The following HS3ST4 variants were observed in gnomAD, a reference collection of about 807,000 sequenced individuals.
HS3ST4 encodes heparan sulfate-glucosamine 3-sulfotransferase 4, also known as heparan sulfate glucosamine 3-O-sulfotransferase 4.
In HS3ST4, 17 loss-of-function variants were observed where a neutral mutation model predicts 29.2. That is an observed-to-expected ratio of 0.58 (90% CI 0.40 to 0.87). HS3ST4 has a LOEUF of 0.87. Ranked by LOEUF, HS3ST4 falls within the 40% of genes least tolerant of loss-of-function variation. The pLI, the probability that HS3ST4 is intolerant of heterozygous loss-of-function variation, is 0.00. For missense variants in HS3ST4, 627 were observed against 634.5 expected (o/e 0.99, Z 0.13); for synonymous variants, 314 against 285.7 (o/e 1.10, Z -1.00).
At chr16:25,737,608 G>A (rs867780909) in intron 1 of HS3ST4, among the ~76,000 whole-genome samples, 2 of 152,078 alleles carry the variant, frequency 1.3e-5, no homozygotes, top group Non-Finnish European at 2.9e-5. Context: ...AGAGTGGGAG[G>A]GGGGTGAGAT....
chr16:25,790,645 T>A (rs1257609448), intron 1 of HS3ST4, among the ~76,000 whole-genome samples: 3 of 152,202 alleles, frequency 2.0e-5, no homozygotes, highest in Non-Finnish European at 2.9e-5. Context: ...CTGATAAGAT[T>A]GACCACTCTT....
At chr16:26,049,331 G>GGAGGTCTACATCCA (rs1567301689) in intron 1 of HS3ST4, among the ~76,000 whole-genome samples, 1 of 86,390 alleles carries the variant, frequency 1.2e-5, no homozygotes, top group African/African-American at 3.7e-5. Flanking sequence ...TGGGAAGTCC[G>GGAGGTCTACATCCA]GAGGTCTACA....
At chr16:26,114,333 T>C (rs950927471) in intron 1 of HS3ST4, among the ~76,000 whole-genome samples, 3 of 152,148 alleles carry the variant, frequency 2.0e-5, no homozygotes, top group Non-Finnish European at 1.5e-5. Flanking sequence ...AATTTCAACA[T>C]GTAATTATTT....
intron 1 of HS3ST4, among the ~76,000 whole-genome samples, chr16:26,033,868 C>T (rs1454969229): frequency 6.6e-6 from 1 of 152,162 alleles, no homozygotes; most frequent in Non-Finnish European, 1.5e-5. Flanking sequence ...TCATCTGAGC[C>T]TCATCTCCAA....
chr16:26,075,078 A>C (rs1898646051), intron 1 of HS3ST4, among the ~76,000 whole-genome samples: 1 of 152,186 alleles, frequency 6.6e-6, no homozygotes, highest in South Asian at 2.1e-4. Flanking sequence ...CTGTAGTCCC[A>C]GCTACGCAGG....
intron 1 of HS3ST4, among the ~76,000 whole-genome samples, chr16:25,725,659 T>C (rs927127154): frequency 1.3e-5 from 2 of 151,552 alleles, no homozygotes; most frequent in African/African-American, 4.8e-5. Context: ...TTGTAAATTC[T>C]ATATTGTGTA....
chr16:25,865,346 C>T (rs760881067), intron 1 of HS3ST4, among the ~76,000 whole-genome samples: 1 of 152,202 alleles, frequency 6.6e-6, no homozygotes, highest in African/African-American at 2.4e-5. Context: ...AGTAGCCACT[C>T]TGACAGGTGT....
At chr16:25,911,532 G>A (rs1019068871) in intron 1 of HS3ST4, among the ~76,000 whole-genome samples, 3 of 103,058 alleles carry the variant, frequency 2.9e-5, no homozygotes, top group African/African-American at 1.1e-4. Context: ...TTTGGGACAT[G>A]ACCTCACTCT....
intron 1 of HS3ST4, among the ~76,000 whole-genome samples, chr16:25,761,397 A>G (rs8044250): frequency 0.13 from 19,147 of 152,174 alleles, 1,269 homozygotes; most frequent in South Asian, 0.14. Flanking sequence ...TTTTACTTTT[A>G]CTGAAGAGTT....
At chr16:25,704,103 A>G (rs1966356672) in intron 1 of HS3ST4, among the ~76,000 whole-genome samples, 1 of 152,222 alleles carries the variant, frequency 6.6e-6, no homozygotes. Context: ...TTAATCACCA[A>G]TGATAAATCA....
At position 25,762,853 on chromosome 16, in the gene HS3ST4, G is replaced by T. The variant is rs528166670; in HGVS notation, c.734+69702G>T. 2.3e-3 allele frequency among the ~76,000 whole-genome samples: 296 copies of T among 127,532 alleles called. 1 individual carries two copies. The highest frequency in any genetic ancestry group is 8.1e-3 in the African/African-American group (279 of 34,256). The allele number at this position is 127,532 out of a possible 152,430, so 83.7% of individuals were successfully genotyped here. On this transcript the variant is annotated intron_variant, in intron 1 of 1. Transcript: ENST00000331351. The stretch of plus-strand genomic sequence containing the variant: ...GTTTGTGCCACTACACTCCAGCCTG[G>T]GTGACAGAGCAAGACCCTGTCTCAA...
intron 1 of HS3ST4, among the ~76,000 whole-genome samples, chr16:25,725,441 C>G (rs73524760): frequency 0.013 from 2,021 of 152,218 alleles, 21 homozygotes; most frequent in Middle Eastern, 0.031. Context: ...TCCCATAATC[C>G]TACCATCCAG....
chr16:25,857,948 C>CTTTCTTTCTTTCT (rs1555469182), intron 1 of HS3ST4, among the ~76,000 whole-genome samples: 117 of 57,100 alleles, frequency 2.0e-3, no homozygotes, highest in African/African-American at 7.6e-3. Context: ...TTCTTTCTTT[C>CTTTCTTTCTTTCT]TTTCTTTCTT....
At chr16:25,945,124 G>A (rs1968612341) in intron 1 of HS3ST4, among the ~76,000 whole-genome samples, 1 of 152,148 alleles carries the variant, frequency 6.6e-6, no homozygotes, top group Admixed American at 6.5e-5. Flanking sequence ...ACCATTTATA[G>A]TATAATGTAT....
rs1966449121 is a variant in HS3ST4, at chr16:25,715,613, A to G, written c.734+22462A>G. Among the ~76,000 whole-genome samples, 3 of 152,234 alleles carry G rather than the reference A, an allele frequency of 2.0e-5. No homozygotes were observed. The South Asian group carries it at 6.2e-4, about 32-fold the overall frequency. On this transcript the variant is annotated intron_variant, in intron 1 of 1. Transcript: ENST00000331351. ...TCTCTCTTTGAACTGCTGCGGAATC[A>G]TTTTTCTGTAAGACTTGGGGATTCA... is the stretch of plus-strand genomic sequence containing the variant.
At chr16:26,028,161 T>C (rs1294590837) in intron 1 of HS3ST4, among the ~76,000 whole-genome samples, 3 of 149,354 alleles carry the variant, frequency 2.0e-5, no homozygotes, top group Non-Finnish European at 4.4e-5. Flanking sequence ...TAATCTCAGC[T>C]ACCTGGGAGG....
intron 1 of HS3ST4, among the ~76,000 whole-genome samples, chr16:25,783,471 G>GT (rs34694041): frequency 0.23 from 34,255 of 146,036 alleles, 4,153 homozygotes; most frequent in East Asian, 0.42. Context: ...GCCAATTCTA[G>GT]TTTTTTTTTT....
intron 1 of HS3ST4, among the ~76,000 whole-genome samples, chr16:26,124,429 A>G (rs1420375476): frequency 6.6e-6 from 1 of 152,156 alleles, no homozygotes; most frequent in East Asian, 1.9e-4. Context: ...AATTGTATAT[A>G]GTTCTGATAT....
intron 1 of HS3ST4, among the ~76,000 whole-genome samples, chr16:25,948,875 TGAG>T (rs1484393937): frequency 3.9e-5 from 6 of 152,146 alleles, no homozygotes; most frequent in Non-Finnish European, 5.9e-5. Flanking sequence ...ATTTTACAGA[TGAG>T]GAGACTGAAG....
Sources: gnomAD v4.1 joint callset for allele counts (sites outside exome capture counted in the v4.1 genomes callset) on GRCh38, gnomAD v4.1.1 for gene constraint, MANE v1.5 for transcripts, NCBI Gene and HGNC (gene_info 2026-07-23, HGNC 2026-07-21) for gene names.